MECOM: variants seen among roughly 807,000 people sequenced by gnomAD.
MECOM encodes the protein MDS1 and EVI1 complex locus, also known as histone-lysine N-methyltransferase MECOM.
In MECOM, 13 loss-of-function variants were observed where a neutral mutation model predicts 116.3. The observed-to-expected ratio is 0.11, with a 90% CI of 0.07 to 0.18. The LOEUF is 0.18. Among genes scored for constraint, MECOM ranks in the 10% least tolerant of loss-of-function variants. The pLI is 1.00. For synonymous variants in MECOM, 528 were observed against 535.2 expected, an observed-to-expected ratio of 0.99 and a Z score of 0.19; for missense variants, 1,299 against 1,509.0, an observed-to-expected ratio of 0.86 and a Z score of 2.31.
At chr3:169,193,233 A>C (rs1747952843) in intron 2 of MECOM, among the ~76,000 whole-genome samples, 1 of 152,066 alleles carries the variant, frequency 6.6e-6, no homozygotes, top group South Asian at 2.1e-4. Context: ...TGACTTAATC[A>C]TAGTTGACAG....
intron 1 of MECOM, among the ~76,000 whole-genome samples, chr3:169,452,758 C>T (rs1379105932): frequency 1.3e-5 from 2 of 152,176 alleles, no homozygotes; most frequent in East Asian, 3.8e-4. Context: ...GAATGAATAC[C>T]TAATTTGGCT....
chr3:169,162,135 G>A lies in MECOM; in HGVS notation c.376-18303C>T, dbSNP rs115520392. ...CCAGCCACAGCTCTTTGGTGGATAC[G>A]GAGAATTCAGTTGCCTGATGTCCTC... is the stretch of plus-strand genomic sequence containing the variant. On this transcript the variant is annotated intron_variant, in intron 2 of 16. Coordinates refer to ENST00000651503, the MANE Select transcript of MECOM (RefSeq NM_004991.4). Among the ~76,000 whole-genome samples the A allele has an allele frequency of 5.3e-3, 812 of 152,298 alleles. 4 individuals carry two copies. The highest frequency in any genetic ancestry group is 0.019 in the African/African-American group (773 of 41,562).
intron 1 of MECOM, among the ~76,000 whole-genome samples, chr3:169,609,457 AT>A (rs5854341): frequency 0.37 from 54,463 of 149,048 alleles, 9,925 homozygotes; most frequent in East Asian, 0.44. Context: ...TCAGTTAATC[AT>A]TTTTTTTTTT....
intron 1 of MECOM, among the ~76,000 whole-genome samples, chr3:169,446,880 G>A (rs1040405062): frequency 3.3e-5 from 5 of 152,232 alleles, no homozygotes; most frequent in African/African-American, 9.6e-5. Context: ...GCTTGTTCAG[G>A]GGGTGCACCA....
intron 1 of MECOM, among the ~76,000 whole-genome samples, chr3:169,411,438 ATG>A (rs1737539082): frequency 6.6e-6 from 1 of 152,210 alleles, no homozygotes; most frequent in Non-Finnish European, 1.5e-5. Flanking sequence ...TCAGTATATC[ATG>A]GACTCAGCTT....
chr3:169,464,993 C>T (rs1748050589), intron 1 of MECOM, among the ~76,000 whole-genome samples: 1 of 152,030 alleles, frequency 6.6e-6, no homozygotes. Context: ...CCTCAATTCA[C>T]CTCTTTTTTA....
chr3:169,659,594 C>T (rs973034636), intron 1 of MECOM, among the ~76,000 whole-genome samples: 7 of 151,820 alleles, frequency 4.6e-5, no homozygotes, highest in African/African-American at 1.5e-4. Context: ...GAAGGGGCCT[C>T]GGCCTCCGTT....
intron 2 of MECOM, among the ~76,000 whole-genome samples, chr3:169,361,533 C>T (rs1435087025): frequency 6.6e-6 from 1 of 151,646 alleles, no homozygotes; most frequent in Non-Finnish European, 1.5e-5. Flanking sequence ...TTTACCAAGC[C>T]CTGCTCTAAG....
intron 2 of MECOM, among the ~76,000 whole-genome samples, chr3:169,245,263 A>T (rs1351543658): frequency 6.6e-6 from 1 of 152,224 alleles, no homozygotes; most frequent in African/African-American, 2.4e-5. Context: ...GAAAAACAAC[A>T]GAACAGCCAC....
intron 1 of MECOM, among the ~76,000 whole-genome samples, chr3:169,651,204 T>C (rs1288093180): frequency 1.3e-5 from 2 of 152,246 alleles, no homozygotes; most frequent in Non-Finnish European, 2.9e-5. Flanking sequence ...CCAATTTTGC[T>C]GAAAGTTTTA....
intron 2 of MECOM, among the ~76,000 whole-genome samples, chr3:169,261,854 T>C (rs775717151): frequency 6.6e-6 from 1 of 152,236 alleles, no homozygotes; most frequent in Non-Finnish European, 1.5e-5. Flanking sequence ...CTGTGTGTTT[T>C]TATGCTTACA....
chr3:169,366,068 C>T (rs1022787909), intron 2 of MECOM, among the ~76,000 whole-genome samples: 7 of 152,036 alleles, frequency 4.6e-5, no homozygotes, highest in Non-Finnish European at 8.8e-5. Flanking sequence ...TTCTCTTGCT[C>T]TCTGGTTCTC....
At chr3:169,541,810 G>A (rs776522075) in intron 1 of MECOM, among the ~76,000 whole-genome samples, 4 of 152,178 alleles carry the variant, frequency 2.6e-5, no homozygotes, top group Non-Finnish European at 5.9e-5. Flanking sequence ...AAGACTCACA[G>A]AACTGCCCGA....
intron 1 of MECOM, among the ~76,000 whole-genome samples, chr3:169,620,813 T>G (rs961050768): frequency 2.0e-5 from 3 of 152,156 alleles, no homozygotes; most frequent in African/African-American, 7.2e-5. Flanking sequence ...GGAACTGAGA[T>G]CTAGTTTTTT....
chr3:169,565,344 G>C (rs1004277968), intron 1 of MECOM, among the ~76,000 whole-genome samples: 4 of 152,180 alleles, frequency 2.6e-5, no homozygotes, highest in Non-Finnish European at 5.9e-5. Context: ...GGATAACAAG[G>C]AGGGGTAGTC....
At chr3:169,507,650 C>CTTTTTTTTTTTTTTTTGTTTTT (rs1755408977) in intron 1 of MECOM, among the ~76,000 whole-genome samples, 1 of 57,152 alleles carries the variant, frequency 1.7e-5, no homozygotes, top group Non-Finnish European at 3.1e-5. Context: ...TCCCCACTTG[C>CTTTTTTTTTTTTTTTTGTTTTT]TTTTTTTTTT....
At chr3:169,322,312 T>C (rs1720998177) in intron 2 of MECOM, among the ~76,000 whole-genome samples, 1 of 152,186 alleles carries the variant, frequency 6.6e-6, no homozygotes, top group Non-Finnish European at 1.5e-5. Context: ...ATAACACCTA[T>C]TTGGCCAGAT....
chr3:169,277,266 C>T (rs948355261), intron 2 of MECOM, among the ~76,000 whole-genome samples: 3 of 152,014 alleles, frequency 2.0e-5, no homozygotes, highest in Non-Finnish European at 4.4e-5. Flanking sequence ...TTCTTGACTC[C>T]GTAAGCACAG....
At chr3:169,517,782 T>C (rs1756823373) in intron 1 of MECOM, among the ~76,000 whole-genome samples, 1 of 152,296 alleles carries the variant, frequency 6.6e-6, no homozygotes, top group East Asian at 1.9e-4. Context: ...AGTCAGGAAC[T>C]GTGGTAGGTA....
Sources: gnomAD v4.1 joint callset for allele counts (sites outside exome capture counted in the v4.1 genomes callset) on GRCh38, gnomAD v4.1.1 for gene constraint, MANE v1.5 for transcripts, NCBI Gene and HGNC (gene_info 2026-07-23, HGNC 2026-07-21) for gene names.